The following NHERF2 variants were observed in gnomAD, a reference collection of about 807,000 sequenced individuals.
The protein encoded by NHERF2 is Na(+)/H(+) exchange regulatory cofactor NHE-RF2.
chr16:2,037,612 C>T, the NHERF2 span: 2 of 1,611,596 alleles, frequency 1.2e-6, no homozygotes, highest in East Asian at 2.2e-5. Context: ...TATGGATGTT[C>T]TCCACTCCTG....
At chr16:2,032,718 C>A in the NHERF2 span, 1 of 759,788 alleles carries the variant, frequency 1.3e-6, no homozygotes, top group Non-Finnish European at 1.6e-6. The surrounding 1 kb of genome is among the most constrained non-coding windows in gnomAD (Gnocchi z 4.0). Flanking sequence ...TGACTCAGCC[C>A]TGGGCCACAC....
the NHERF2 span, chr16:2,033,366 G>A: frequency 6.5e-7 from 1 of 1,533,238 alleles, no homozygotes; most frequent in South Asian, 1.2e-5. Context: ...CACGCTCCGG[G>A]AGTGCCACGC....
At chr16:2,038,092 A>G in the NHERF2 span, 17 of 1,397,792 alleles carry the variant, frequency 1.2e-5, no homozygotes, top group Non-Finnish European at 1.5e-5. Context: ...TGGTCCTGCC[A>G]TTGCCCAGAA....
the NHERF2 span, chr16:2,038,010 C>G: frequency 4.3e-6 from 7 of 1,612,400 alleles, no homozygotes; most frequent in Non-Finnish European, 5.9e-6. Context: ...TCTCGGGACC[C>G]TGGGACCCCT....
chr16:2,033,515 A>C, the NHERF2 span: 1 of 1,374,082 alleles, frequency 7.3e-7, no homozygotes, highest in Non-Finnish European at 9.8e-7. Flanking sequence ...GGACTCCGGG[A>C]CCTTGATGTA....
At chr16:2,029,197 G>T in the NHERF2 span, among the ~76,000 whole-genome samples, 8 of 152,228 alleles carry the variant, frequency 5.3e-5, no homozygotes, top group Non-Finnish European at 4.4e-5. Context: ...ATGGATGCAT[G>T]CGCGCACAGG....
chr16:2,036,338 C>G, the NHERF2 span: 4 of 1,609,172 alleles, frequency 2.5e-6, no homozygotes, highest in African/African-American at 1.3e-5. Flanking sequence ...TCAGTGGGCC[C>G]CTGAGGGAGC....
the NHERF2 span, chr16:2,035,379 A>G: frequency 2.0e-6 from 2 of 985,394 alleles, no homozygotes; most frequent in Non-Finnish European, 2.4e-6. Flanking sequence ...CCCCCTTGCC[A>G]TGCCGCCCCA....
chr16:2,036,711 C>A, the NHERF2 span: 1 of 1,609,714 alleles, frequency 6.2e-7, no homozygotes, highest in African/African-American at 1.3e-5. Flanking sequence ...GGGGCTGATA[C>A]ATGCTGGTGG....
chr16:2,037,492 G>A, the NHERF2 span: 10 of 1,518,664 alleles, frequency 6.6e-6, no homozygotes, highest in African/African-American at 9.6e-5. Context: ...GCGTGTGCAG[G>A]TGTTGTGTGT....
chr16:2,036,745 G>A, the NHERF2 span: 1 of 1,612,900 alleles, frequency 6.2e-7, no homozygotes, highest in African/African-American at 1.3e-5. Flanking sequence ...GGCAGAATGT[G>A]GAGGGACTGC....
chr16:2,036,098 G>C, the NHERF2 span: 5 of 514,808 alleles, frequency 9.7e-6, no homozygotes, highest in African/African-American at 9.7e-5. Context: ...GAAGGCGGCT[G>C]GGCCCGTCGG....
chr16:2,027,936 ACTC>A, the NHERF2 span, among the ~76,000 whole-genome samples: 2 of 151,274 alleles, frequency 1.3e-5, no homozygotes, highest in East Asian at 1.9e-4. Context: ...CAAAGGCACT[ACTC>A]CTCCTCAGAG....
At chr16:2,035,252 C>T in the NHERF2 span, 36 of 273,204 alleles carry the variant, frequency 1.3e-4, no homozygotes, top group South Asian at 2.8e-3. Flanking sequence ...GGGGCGGTCC[C>T]CCCCGCTGAC....
chr16:2,036,809 C>T, the NHERF2 span: 1 of 1,613,334 alleles, frequency 6.2e-7, no homozygotes, highest in Non-Finnish European at 8.5e-7. Flanking sequence ...GGCCCGGCTG[C>T]TGGTCGTGGA....
chr16:2,035,615 C>G, the NHERF2 span: 138 of 986,308 alleles, frequency 1.4e-4, no homozygotes, highest in Non-Finnish European at 1.6e-4. Flanking sequence ...TGGCCCACCC[C>G]CTGGCTGGGA....
At chr16:2,036,623 C>T in the NHERF2 span, 1 of 1,542,114 alleles carries the variant, frequency 6.5e-7, no homozygotes, top group African/African-American at 1.4e-5. Context: ...CTCCTGCTGC[C>T]TCGGTGGGCG....
chr16:2,034,070 C>G, the NHERF2 span, among the ~76,000 whole-genome samples: 1 of 152,182 alleles, frequency 6.6e-6, no homozygotes, highest in African/African-American at 2.4e-5. Context: ...CCCCAGACAC[C>G]CACCAGATCC....
chr16:2,028,869 A>T, the NHERF2 span, among the ~76,000 whole-genome samples: 1 of 152,144 alleles, frequency 6.6e-6, no homozygotes, highest in Non-Finnish European at 1.5e-5. Flanking sequence ...ACCTGCACGC[A>T]CACACCGACG....
Sources: gnomAD v4.1 joint callset for allele counts (sites outside exome capture counted in the v4.1 genomes callset) on GRCh38, gnomAD v4.1.1 for gene constraint, Gnocchi (gnomAD v3.1) non-coding constraint, MANE v1.5 for transcripts, NCBI Gene and HGNC (gene_info 2026-07-23, HGNC 2026-07-21) for gene names.